HDAC9: variants seen among roughly 807,000 people sequenced by gnomAD.
The protein encoded by HDAC9 is histone deacetylase 9.
HDAC9 carries 41 observed loss-of-function variants against 139.4 expected under a neutral mutation model. The ratio of observed to expected loss-of-function variants is 0.29; its 90% CI spans 0.23 to 0.38. The LOEUF (loss-of-function observed/expected upper bound fraction) is 0.38. Ranked by LOEUF, HDAC9 falls within the 10% of genes least tolerant of loss-of-function variation. HDAC9 has a pLI of 1.00. For missense variants in HDAC9, 1,147 were observed against 1,297.0 expected, an observed-to-expected ratio of 0.88 and a Z score of 1.78; for synonymous variants, 517 against 476.2, an observed-to-expected ratio of 1.09 and a Z score of -1.12.
At chr7:18,930,538 G>A (rs192151254) in intron 22 of HDAC9, among the ~76,000 whole-genome samples, 41 of 151,986 alleles carry the variant, frequency 2.7e-4, no homozygotes, top group African/African-American at 9.4e-4. Flanking sequence ...CTTCACCTGG[G>A]TAGCCACACT....
At chr7:18,447,519 G>A (rs924685334) in intron 1 of HDAC9, among the ~76,000 whole-genome samples, 6 of 152,152 alleles carry the variant, frequency 3.9e-5, no homozygotes, top group African/African-American at 7.2e-5. Context: ...ATGCAGCCAC[G>A]TCCATAATTC....
chr7:18,912,463 T>C (rs726116), intron 22 of HDAC9, among the ~76,000 whole-genome samples: 34,564 of 152,084 alleles, frequency 0.23, 5,158 homozygotes, highest in Non-Finnish European at 0.32. Flanking sequence ...AAATATGTTA[T>C]GCATTGAATT....
intron 1 of HDAC9, among the ~76,000 whole-genome samples, chr7:18,306,615 A>G (rs776263161): frequency 4.6e-5 from 7 of 152,156 alleles, no homozygotes; most frequent in African/African-American, 7.2e-5. Context: ...AAGTGGTGCT[A>G]TTCGTGCTGC....
At chr7:18,092,158 G>C (rs1300362552) in intron 1 of HDAC9, among the ~76,000 whole-genome samples, 1 of 152,152 alleles carries the variant, frequency 6.6e-6, no homozygotes, top group Admixed American at 6.5e-5. Flanking sequence ...GGCCAAGGCA[G>C]ATGAACTGCT....
chr7:18,158,763 A>G (rs942806418), intron 1 of HDAC9, among the ~76,000 whole-genome samples: 1 of 152,258 alleles, frequency 6.6e-6, no homozygotes, highest in Admixed American at 6.5e-5. Flanking sequence ...GAATGGTTAA[A>G]GGACCTATGG....
chr7:18,224,808 A>G (rs1357372842), intron 2 of HDAC9, among the ~76,000 whole-genome samples: 2 of 152,184 alleles, frequency 1.3e-5, no homozygotes, highest in Non-Finnish European at 2.9e-5. Flanking sequence ...ACAATAATCA[A>G]AGAAGGTCAG....
chr7:18,926,804 G>A (rs1024867823), intron 22 of HDAC9, among the ~76,000 whole-genome samples: 2 of 152,044 alleles, frequency 1.3e-5, no homozygotes, highest in African/African-American at 2.4e-5. Flanking sequence ...TTATTCATTT[G>A]CTTTCAAAAG....
At chr7:18,155,585 C>G (rs1431691976) in intron 1 of HDAC9, among the ~76,000 whole-genome samples, 2 of 152,042 alleles carry the variant, frequency 1.3e-5, no homozygotes, top group African/African-American at 2.4e-5. Flanking sequence ...AGCTGCGTTC[C>G]CTGCTCTATA....
chr7:18,618,203 A>G (rs1185861929), intron 6 of HDAC9, among the ~76,000 whole-genome samples: 1 of 152,152 alleles, frequency 6.6e-6, no homozygotes, highest in Non-Finnish European at 1.5e-5. Flanking sequence ...TAGTCAATGT[A>G]TTCCATTTAT....
chr7:18,790,894 C>A (rs115756314), intron 16 of HDAC9, among the ~76,000 whole-genome samples: 1,806 of 152,198 alleles, frequency 0.012, 32 homozygotes, highest in African/African-American at 0.041. Flanking sequence ...ATAAACATAG[C>A]TTTATTATAA....
chr7:18,392,836 C>G (rs965089155), intron 1 of HDAC9, among the ~76,000 whole-genome samples: 2 of 148,808 alleles, frequency 1.3e-5, no homozygotes, highest in African/African-American at 4.9e-5. Context: ...TACTTTTCCT[C>G]TCACCCTGTT....
At chr7:18,317,989 C>G (rs533014740) in intron 1 of HDAC9, among the ~76,000 whole-genome samples, 2 of 152,234 alleles carry the variant, frequency 1.3e-5, no homozygotes, top group South Asian at 4.1e-4. Flanking sequence ...ACTTAAACTC[C>G]AGAAAATATG....
chr7:18,609,242 C>T (rs571057873), intron 6 of HDAC9, among the ~76,000 whole-genome samples: 29 of 152,120 alleles, frequency 1.9e-4, no homozygotes, highest in Non-Finnish European at 3.5e-4. Flanking sequence ...ATTCAGTAGG[C>T]ACTAGCTGCA....
At chr7:18,655,986 A>G (rs1790999965) in intron 11 of HDAC9, among the ~76,000 whole-genome samples, 1 of 152,058 alleles carries the variant, frequency 6.6e-6, no homozygotes, top group South Asian at 2.1e-4. Flanking sequence ...GGTCTTGCTA[A>G]GGAATTTTTA....
chr7:18,522,440 A>G (rs769743387), intron 2 of HDAC9, among the ~76,000 whole-genome samples: 13 of 152,158 alleles, frequency 8.5e-5, no homozygotes, highest in Admixed American at 1.3e-4. Flanking sequence ...CTGTCTGGCC[A>G]CATTTTCATT....
At chr7:18,368,816 C>T (rs973058490) in intron 1 of HDAC9, among the ~76,000 whole-genome samples, 5 of 152,008 alleles carry the variant, frequency 3.3e-5, no homozygotes, top group Non-Finnish European at 5.9e-5. Flanking sequence ...AGAAATGCCT[C>T]TCTGTGGTGC....
intron 12 of HDAC9, among the ~76,000 whole-genome samples, chr7:18,677,113 C>G (rs562468893): frequency 6.6e-6 from 1 of 151,836 alleles, no homozygotes; most frequent in South Asian, 2.1e-4. Flanking sequence ...CCCTCCTGCC[C>G]TCTTTATACT....
At chr7:18,983,966 G>T (rs1055959116) in intron 25 of HDAC9, among the ~76,000 whole-genome samples, 1 of 151,898 alleles carries the variant, frequency 6.6e-6, no homozygotes, top group Non-Finnish European at 1.5e-5. Context: ...ATATCCTGTA[G>T]ATTTCAGATC....
rs781483560 is a variant in HDAC9 at position 18,975,788 on chromosome 7, G to A, written c.3023-18G>A. On this transcript the variant is annotated intron_variant, in intron 24 of 25. Transcript: ENST00000686413. Reference sequence around the variant, plus strand: ...TGTAATTACAATTCTTATGAAGTATGATGGATGTTTTTCCTAGGCAAGTAT... The same window carrying A: ...TGTAATTACAATTCTTATGAAGTATAATGGATGTTTTTCCTAGGCAAGTAT... 45 of 1,611,826 alleles carry A rather than the reference G, an allele frequency of 2.8e-5. No individual in the cohort carries two copies. The highest frequency in any genetic ancestry group is 3.7e-5 in the Non-Finnish European group (44 of 1,178,262).
Sources: gnomAD v4.1 joint callset for allele counts (sites outside exome capture counted in the v4.1 genomes callset) on GRCh38, gnomAD v4.1.1 for gene constraint, MANE v1.5 for transcripts, NCBI Gene and HGNC (gene_info 2026-07-23, HGNC 2026-07-21) for gene names.